The following AUTS2 variants were observed in gnomAD, a reference collection of about 807,000 sequenced individuals.
The protein encoded by AUTS2 is activator of transcription and developmental regulator AUTS2, also known as autism susceptibility gene 2 protein.
Under a neutral mutation model 112.4 loss-of-function variants are expected in AUTS2, and 17 were observed. That is an observed-to-expected ratio of 0.15 (90% confidence interval 0.10 to 0.23). The LOEUF is 0.23. AUTS2 is among the 10% of genes least tolerant of loss of function. The pLI, the probability that AUTS2 is intolerant of heterozygous loss-of-function variation, is 1.00. For missense variants in AUTS2, 1,510 were observed against 1,701.6 expected (o/e 0.89, Z 1.98); for synonymous variants, 751 against 702.7 (o/e 1.07, Z -1.09).
intron 1 of AUTS2, among the ~76,000 whole-genome samples, chr7:69,848,851 G>T (rs1256649875): frequency 6.6e-6 from 1 of 151,944 alleles, no homozygotes; most frequent in Admixed American, 6.6e-5. Flanking sequence ...GTTTACATTT[G>T]AAGTGGACTC....
intron 5 of AUTS2, among the ~76,000 whole-genome samples, chr7:70,450,955 T>A (rs1344224568): frequency 6.6e-6 from 1 of 151,952 alleles, no homozygotes; most frequent in Non-Finnish European, 1.5e-5. Flanking sequence ...AGTGGGGGGA[T>A]GGAGAAAATA....
intron 17 of AUTS2, 148 bp downstream of exon 17, chr7:70,786,186 G>C: frequency 1.5e-6 from 1 of 667,122 alleles, no homozygotes; most frequent in Non-Finnish European, 2.5e-6. Flanking sequence ...CCTTCACAGT[G>C]GGGTGAGGTG....
chr7:70,243,747 A>G (rs1812751984), intron 4 of AUTS2, among the ~76,000 whole-genome samples: 1 of 152,178 alleles, frequency 6.6e-6, no homozygotes, highest in African/African-American at 2.4e-5. Context: ...TGATTCACAC[A>G]TCATCACCAA....
chr7:69,922,079 G>GA (rs996065811), intron 2 of AUTS2, among the ~76,000 whole-genome samples: 6 of 150,794 alleles, frequency 4.0e-5, no homozygotes, highest in Admixed American at 1.3e-4. Flanking sequence ...AAAGAAAAAA[G>GA]AAAAAAAAAT....
intron 5 of AUTS2, among the ~76,000 whole-genome samples, chr7:70,680,731 A>G (rs1369604294): frequency 1.3e-5 from 2 of 152,216 alleles, no homozygotes; most frequent in African/African-American, 4.8e-5. Flanking sequence ...CGATCTTTGT[A>G]TAAGAAGGAA....
intron 4 of AUTS2, among the ~76,000 whole-genome samples, chr7:70,328,880 T>G (rs1374970928): frequency 6.6e-6 from 1 of 152,222 alleles, no homozygotes; most frequent in African/African-American, 2.4e-5. Context: ...TGCTTCTATC[T>G]TGTTCCCAAA....
chr7:69,694,117 C>T (rs181058578), intron 1 of AUTS2, among the ~76,000 whole-genome samples: 109 of 152,222 alleles, frequency 7.2e-4, no homozygotes, highest in Non-Finnish European at 1.3e-3. Context: ...TCCTTAGACT[C>T]GTGTGTGATT....
intron 1 of AUTS2, among the ~76,000 whole-genome samples, chr7:69,766,715 G>A (rs1562869182): frequency 1.3e-5 from 2 of 152,092 alleles, no homozygotes; most frequent in African/African-American, 2.4e-5. Context: ...TTGTAGGTTG[G>A]TGCCTCTCAT....
intron 1 of AUTS2, among the ~76,000 whole-genome samples, chr7:69,603,493 G>C (rs759445433): frequency 2.0e-5 from 3 of 152,160 alleles, no homozygotes; most frequent in Middle Eastern, 3.2e-3. Flanking sequence ...GATGATGAAA[G>C]CTTTAGGGGT....
chr7:69,611,871 A>G (rs1217693712), intron 1 of AUTS2, among the ~76,000 whole-genome samples: 1 of 139,452 alleles, frequency 7.2e-6, no homozygotes, highest in Non-Finnish European at 1.5e-5. Context: ...CGGAGCTTGC[A>G]GTGAGCCGAG....
chr7:70,302,901 ATCT>A (rs1011043533), intron 4 of AUTS2, among the ~76,000 whole-genome samples: 22 of 144,288 alleles, frequency 1.5e-4, no homozygotes, highest in South Asian at 8.8e-4. Context: ...TTCCTGAAAG[ATCT>A]TCTTTTTTTT....
At chr7:70,410,406 A>ATTTGTTTG (rs71796823) in intron 4 of AUTS2, among the ~76,000 whole-genome samples, 1 of 126,234 alleles carries the variant, frequency 7.9e-6, no homozygotes, top group African/African-American at 3.2e-5. Context: ...TCTTTTATTT[A>ATTTGTTTG]TTTATTTATT....
intron 1 of AUTS2, among the ~76,000 whole-genome samples, chr7:69,886,657 TCTTTA>T (rs372601018): frequency 1.3e-5 from 2 of 152,298 alleles, no homozygotes; most frequent in East Asian, 3.9e-4. Flanking sequence ...GTGAAGTAGT[TCTTTA>T]CTTCTAGCCA....
intron 4 of AUTS2, among the ~76,000 whole-genome samples, chr7:70,372,246 G>C (rs1792871823): frequency 6.6e-6 from 1 of 152,232 alleles, no homozygotes; most frequent in African/African-American, 2.4e-5. Context: ...CCTGGCCAGA[G>C]ATGGCTTTGG....
chr7:69,763,114 C>T (rs561731204), intron 1 of AUTS2, among the ~76,000 whole-genome samples: 1 of 152,278 alleles, frequency 6.6e-6, no homozygotes, highest in East Asian at 1.9e-4. Flanking sequence ...ATAATGCCAC[C>T]TCATACTTGC....
intron 4 of AUTS2, among the ~76,000 whole-genome samples, chr7:70,353,958 C>T (rs1239696353): frequency 2.0e-5 from 3 of 152,148 alleles, no homozygotes; most frequent in Admixed American, 6.5e-5. Flanking sequence ...TAAATGCCAC[C>T]GGTTTTTAAT....
chr7:70,642,808 C>T (rs915845079), intron 5 of AUTS2, among the ~76,000 whole-genome samples: 5 of 151,920 alleles, frequency 3.3e-5, no homozygotes, highest in Admixed American at 1.3e-4. Context: ...CTCCCCTTCT[C>T]GTGCATCTTC....
chr7:70,435,964 T>G, intron 5 of AUTS2, 183 bp downstream of exon 5: 1 of 556,278 alleles, frequency 1.8e-6, no homozygotes, highest in Non-Finnish European at 3.1e-6. Context: ...ATTTGTCAGA[T>G]CTACCTTTTT....
chr7:69,923,031 C>T (rs1308277938), intron 2 of AUTS2, among the ~76,000 whole-genome samples: 3 of 152,116 alleles, frequency 2.0e-5, no homozygotes, highest in Non-Finnish European at 4.4e-5. Context: ...GATTGGTATG[C>T]GTTGGTCCAT....
Sources: gnomAD v4.1 joint callset for allele counts (sites outside exome capture counted in the v4.1 genomes callset) on GRCh38, gnomAD v4.1.1 for gene constraint, MANE v1.5 for transcripts, NCBI Gene and HGNC (gene_info 2026-07-23, HGNC 2026-07-21) for gene names.